The following SEPTIN14 variants were observed in gnomAD, a reference collection of about 807,000 sequenced individuals.
The protein encoded by SEPTIN14 is septin-14.
Under a neutral mutation model 53.6 loss-of-function variants are expected in SEPTIN14, and 40 were observed. The observed-to-expected ratio is 0.75, with a 90% CI of 0.58 to 0.97. The LOEUF is 0.97. Ranked by LOEUF, SEPTIN14 falls within the 50% of genes least tolerant of loss-of-function variation. SEPTIN14 has a pLI of 0.00. For missense variants in SEPTIN14, 471 were observed against 508.2 expected (o/e 0.93, Z 0.70); for synonymous variants, 138 against 166.8 (o/e 0.83, Z 1.33).
intron 2 of SEPTIN14, among the ~76,000 whole-genome samples, chr7:55,849,862 T>C (rs749821495): frequency 1.9e-4 from 29 of 152,290 alleles, no homozygotes; most frequent in East Asian, 7.7e-4. Flanking sequence ...TGTGAACACA[T>C]TGATGAACAC....
At chr7:55,796,836 A>G (rs1788439653) in intron 9 of SEPTIN14, among the ~76,000 whole-genome samples, 1 of 152,094 alleles carries the variant, frequency 6.6e-6, no homozygotes, top group Non-Finnish European at 1.5e-5. Flanking sequence ...TAAAAAAGAG[A>G]AAAGAAGGCT....
chr7:55,804,135 A>G (rs1007093662), intron 9 of SEPTIN14, among the ~76,000 whole-genome samples: 2 of 77,156 alleles, frequency 2.6e-5, no homozygotes, highest in Non-Finnish European at 4.4e-5. Context: ...GACTCTGTCT[A>G]AAAAAAAAAA....
At position 55,826,134 on chromosome 7, in the gene SEPTIN14, T is replaced by A. The variant is rs375031853; in HGVS notation, c.721-6911A>T. On this transcript the variant is annotated intron_variant, in intron 6 of 9. Transcript: ENST00000388975. Reference sequence around the variant, plus strand: ...AAAAAAGTCACAATTATTTATCATATTTATTACCTCAAATAATTATTATTT... The same window carrying A: ...AAAAAAGTCACAATTATTTATCATAATTATTACCTCAAATAATTATTATTT... Among the ~76,000 whole-genome samples, 192 of 152,150 alleles carry A rather than the reference T, an allele frequency of 1.3e-3. 1 individual carries two copies. The highest frequency in any genetic ancestry group is 4.4e-3 in the African/African-American group (181 of 41,512).
At chr7:55,848,612 T>TGA (rs1214080473) in intron 2 of SEPTIN14, among the ~76,000 whole-genome samples, 1 of 148,538 alleles carries the variant, frequency 6.7e-6, no homozygotes, top group Admixed American at 6.7e-5. Flanking sequence ...CAGAGATTTT[T>TGA]TTTTTTTTTT....
chr7:55,826,730 G>C (rs1290461222), intron 6 of SEPTIN14, among the ~76,000 whole-genome samples: 1 of 151,464 alleles, frequency 6.6e-6, no homozygotes, highest in African/African-American at 2.4e-5. Flanking sequence ...CCAGGAGGTA[G>C]AGGTTGCAGT....
At chr7:55,821,392 C>A (rs115537262) in intron 6 of SEPTIN14, among the ~76,000 whole-genome samples, 1,659 of 152,198 alleles carry the variant, frequency 0.011, 18 homozygotes, top group African/African-American at 0.03. Context: ...ACCCACAATT[C>A]CAGAACCCTG....
At chr7:55,844,483 A>G (rs768394674) in intron 4 of SEPTIN14, 40 bp downstream of exon 4, 3 of 1,220,986 alleles carry the variant, frequency 2.5e-6, no homozygotes, top group Non-Finnish European at 3.4e-6. Flanking sequence ...ATTCCTTGAA[A>G]TAAGAAAACC....
At chr7:55,855,354 C>T (rs749325953) in intron 2 of SEPTIN14, among the ~76,000 whole-genome samples, 6 of 151,846 alleles carry the variant, frequency 4.0e-5, no homozygotes, top group Admixed American at 1.3e-4. Flanking sequence ...CGTTTCAGGT[C>T]GACCAATTGT....
intron 5 of SEPTIN14, 110 bp from the exon 6 acceptor site, chr7:55,834,696 G>A: frequency 1.3e-6 from 1 of 773,082 alleles, no homozygotes; most frequent in Non-Finnish European, 2.0e-6. Flanking sequence ...AGGCTGGAGT[G>A]CAGGGGCACG....
intron 6 of SEPTIN14, among the ~76,000 whole-genome samples, chr7:55,826,792 T>C (rs576960974): frequency 2.2e-5 from 3 of 133,988 alleles, no homozygotes; most frequent in Non-Finnish European, 4.7e-5. Flanking sequence ...AGTAAAACAC[T>C]GTCCCAGAAA....
chr7:55,856,035 T>G (rs7799586), intron 2 of SEPTIN14, among the ~76,000 whole-genome samples: 114,763 of 152,070 alleles, frequency 0.75, 43,513 homozygotes, highest in African/African-American at 0.83. Flanking sequence ...GAGAGTACAT[T>G]TGCAGGTTTG....
At chr7:55,830,349 A>ATATTTTTTTTT (rs71015108) in intron 6 of SEPTIN14, among the ~76,000 whole-genome samples, 13 of 56,852 alleles carry the variant, frequency 2.3e-4, no homozygotes, top group African/African-American at 1.0e-3. Context: ...ATATATATAT[A>ATATTTTTTTTT]TTTTTTTTTT....
chr7:55,846,676 A>G lies in SEPTIN14; in HGVS notation c.55-39T>C, dbSNP rs139767163. On this transcript the variant is annotated intron_variant, in intron 2 of 9. Transcript: ENST00000388975. Reference sequence around the variant, plus strand: ...AAAATTTAGAGTTTTGTGTTAGAATAAAAAATGAAGTCATTTGAAAGGAAA... The same window carrying G: ...AAAATTTAGAGTTTTGTGTTAGAATGAAAAATGAAGTCATTTGAAAGGAAA... 738 of 1,140,104 alleles carry G rather than the reference A, an allele frequency of 6.5e-4. 7 individuals are homozygous for G. In the African/African-American group the frequency reaches 9.3e-3, roughly 14 times the overall value. 70.6% of individuals were successfully genotyped at this position (1,140,104 alleles called of 1,614,324 possible).
At chr7:55,839,177 T>C (rs1789262722) in intron 5 of SEPTIN14, among the ~76,000 whole-genome samples, 1 of 151,772 alleles carries the variant, frequency 6.6e-6, no homozygotes, top group Non-Finnish European at 1.5e-5. Flanking sequence ...CACCTGAGGT[T>C]AGGAGTTTGA....
intron 2 of SEPTIN14, among the ~76,000 whole-genome samples, chr7:55,860,529 G>C (rs1022913860): frequency 3.3e-5 from 5 of 151,890 alleles, no homozygotes; most frequent in Non-Finnish European, 7.4e-5. Flanking sequence ...GCTAAAAGAG[G>C]GGATTTGAAA....
rs200755602 is a variant in SEPTIN14 at position 55,846,605 on chromosome 7, C to G, written c.87G>C (p.Thr29=). Residue 29 remains threonine, a synonymous_variant, in exon 3 of 10, where the codon ACG becomes ACC. Coordinates refer to ENST00000388975, the MANE Select transcript of SEPTIN14 (RefSeq NM_207366.3). ...AACATTCAAAACCAAAATGTCCAATCGTAGTTAAACAACGAATATTATTTT... is the reference window on the plus strand; with the variant it reads ...AACATTCAAAACCAAAATGTCCAATGGTAGTTAAACAACGAATATTATTTT... ...QKENNIRCLT[T]IGHFGFECLP... 6 of 1,493,948 alleles carry G rather than the reference C, an allele frequency of 4.0e-6. No homozygotes were observed. In the Middle Eastern group the frequency reaches 6.9e-4, roughly 171 times the overall value. 92.5% of individuals were successfully genotyped at this position (1,493,948 alleles called of 1,614,324 possible).
intron 7 of SEPTIN14, among the ~76,000 whole-genome samples, chr7:55,817,999 A>G (rs1788824815): frequency 6.6e-6 from 1 of 152,118 alleles, no homozygotes; most frequent in Non-Finnish European, 1.5e-5. Context: ...CAGAAGATTG[A>G]CCACAATATA....
At chr7:55,819,943 AT>A (rs1788864340) in intron 6 of SEPTIN14, among the ~76,000 whole-genome samples, 1 of 151,756 alleles carries the variant, frequency 6.6e-6, no homozygotes. Context: ...TATTATAATA[AT>A]TAATGGATAC....
intron 5 of SEPTIN14, among the ~76,000 whole-genome samples, chr7:55,840,333 C>CA (rs1178117612): frequency 1.3e-5 from 2 of 148,466 alleles, no homozygotes; most frequent in African/African-American, 2.5e-5. Flanking sequence ...ACTAAAAATA[C>CA]AAAAAATTAG....
Sources: gnomAD v4.1 joint callset for allele counts (sites outside exome capture counted in the v4.1 genomes callset) on GRCh38, gnomAD v4.1.1 for gene constraint, MANE v1.5 for transcripts, NCBI Gene and HGNC (gene_info 2026-07-23, HGNC 2026-07-21) for gene names.